The following OPRM1 variants were observed in gnomAD, a reference collection of about 807,000 sequenced individuals.
The protein encoded by OPRM1 is mu-type opioid receptor.
OPRM1 carries 27 observed loss-of-function variants against 31.8 expected under a neutral mutation model. The observed-to-expected ratio is 0.85, with a 90% CI of 0.63 to 1.17. The LOEUF (loss-of-function observed/expected upper bound fraction) is 1.17, where lower values mean the gene tolerates loss of function less well. Among genes scored for constraint, OPRM1 ranks in the 50% most tolerant of loss-of-function variants. The pLI is 0.00. For missense variants in OPRM1, 536 were observed against 511.1 expected, an observed-to-expected ratio of 1.05 and a Z score of -0.47; for synonymous variants, 196 against 189.9, an observed-to-expected ratio of 1.03 and a Z score of -0.26.
chr6:154,112,247 C>T lies in OPRM1; in HGVS notation c.1165-6436C>T, dbSNP rs555225626. Among the ~76,000 whole-genome samples the T allele has an allele frequency of 1.5e-3, 229 of 152,174 alleles. 1 individual carries two copies. The highest frequency in any genetic ancestry group is 2.6e-3 in the Non-Finnish European group (180 of 67,988). On this transcript the variant is annotated intron_variant, in intron 3 of 3. Transcript: ENST00000330432. ...AGCTTTAGAAAATGGTAGGAAGTTC[C>T]AAAACTGCAAAGGAGATATCTTAGC... is the stretch of plus-strand genomic sequence containing the variant.
intron 1 of OPRM1, among the ~76,000 whole-genome samples, chr6:154,071,141 C>T (rs1356080121): frequency 1.3e-5 from 2 of 152,118 alleles, no homozygotes; most frequent in Non-Finnish European, 2.9e-5. Flanking sequence ...GTATGGAATG[C>T]ATAATATGGA....
chr6:154,236,700 C>T (rs1361872018), intron 3 of OPRM1, among the ~76,000 whole-genome samples: 1 of 152,172 alleles, frequency 6.6e-6, no homozygotes, highest in African/African-American at 2.4e-5. Flanking sequence ...CCATCTCTTT[C>T]ACAGGTAACA....
chr6:154,195,384 T>G (rs1776528311), intron 3 of OPRM1, among the ~76,000 whole-genome samples: 1 of 152,076 alleles, frequency 6.6e-6, no homozygotes, highest in African/African-American at 2.4e-5. Flanking sequence ...CCTGACCTTG[T>G]GATCCGCCCA....
At chr6:154,187,860 G>A (rs1351220786) in intron 3 of OPRM1, among the ~76,000 whole-genome samples, 1 of 152,146 alleles carries the variant, frequency 6.6e-6, no homozygotes, top group African/African-American at 2.4e-5. Context: ...CAGAGGTGAT[G>A]AAAAAGTACC....
chr6:154,202,323 C>T (rs902186690), intron 3 of OPRM1, among the ~76,000 whole-genome samples: 1 of 152,014 alleles, frequency 6.6e-6, no homozygotes, highest in African/African-American at 2.4e-5. Context: ...TCTTTAATAA[C>T]CAAGAGATCA....
intron 1 of OPRM1, among the ~76,000 whole-genome samples, chr6:154,081,347 C>T (rs1789084326): frequency 1.3e-5 from 2 of 152,052 alleles, no homozygotes; most frequent in Admixed American, 1.3e-4. Flanking sequence ...ACTAAAAATA[C>T]AGAAAAAAAG....
intron 1 of OPRM1, among the ~76,000 whole-genome samples, chr6:154,033,146 G>A (rs1335279734): frequency 2.6e-5 from 4 of 152,142 alleles, no homozygotes; most frequent in Admixed American, 2.0e-4. Context: ...AATTGTCAGG[G>A]TGGGAAAGTA....
chr6:154,101,561 C>T (rs1275847759), intron 3 of OPRM1, among the ~76,000 whole-genome samples: 2 of 152,106 alleles, frequency 1.3e-5, no homozygotes, highest in Non-Finnish European at 2.9e-5. Flanking sequence ...CAAATATCAA[C>T]GTCTAAATCT....
intron 1 of OPRM1, among the ~76,000 whole-genome samples, chr6:154,011,375 C>G (rs190147971): frequency 6.6e-6 from 1 of 152,042 alleles, no homozygotes; most frequent in East Asian, 1.9e-4. Flanking sequence ...TCTAGGACTC[C>G]CAGCTAAGGA....
intron 3 of OPRM1, chr6:154,108,936 A>G: frequency 2.0e-6 from 2 of 985,122 alleles, no homozygotes; most frequent in Non-Finnish European, 2.4e-6. Context: ...AGAAACATAG[A>G]ATGTGAGAGG....
chr6:154,103,087 C>G (rs1027574839), intron 3 of OPRM1, among the ~76,000 whole-genome samples: 6 of 152,056 alleles, frequency 3.9e-5, no homozygotes, highest in African/African-American at 1.4e-4. Flanking sequence ...TGTTAGAGAA[C>G]CCCAGGAGGC....
At chr6:154,087,625 A>G in intron 1 of OPRM1, 7 of 981,632 alleles carry the variant, frequency 7.1e-6, no homozygotes, top group Non-Finnish European at 8.5e-6. Flanking sequence ...ATAAGTCTCA[A>G]AATAAACTCT....
At chr6:154,229,305 G>A (rs886131220) in intron 3 of OPRM1, among the ~76,000 whole-genome samples, 1 of 148,722 alleles carries the variant, frequency 6.7e-6, no homozygotes, top group African/African-American at 2.5e-5. Context: ...ACAATAAAGT[G>A]TTAAAATGAG....
chr6:154,098,187 C>G (rs1221285955), intron 3 of OPRM1, among the ~76,000 whole-genome samples: 1 of 152,192 alleles, frequency 6.6e-6, no homozygotes, highest in Non-Finnish European at 1.5e-5. Flanking sequence ...ATATTCCAGT[C>G]TATTTTTCAC....
At chr6:154,057,342 G>A (rs610231) in intron 1 of OPRM1, among the ~76,000 whole-genome samples, 138,091 of 152,256 alleles carry the variant, frequency 0.91, 62,778 homozygotes, top group African/African-American at 0.97. Flanking sequence ...TCCAGTGGAT[G>A]AGAAAATTAA....
intron 3 of OPRM1, among the ~76,000 whole-genome samples, chr6:154,163,081 A>G (rs756670683): frequency 3.3e-5 from 5 of 152,190 alleles, no homozygotes; most frequent in Non-Finnish European, 5.9e-5. Context: ...ACCTTCAGAC[A>G]TGACACAAAG....
chr6:154,215,201 G>A (rs1778289392), intron 3 of OPRM1, among the ~76,000 whole-genome samples: 1 of 152,152 alleles, frequency 6.6e-6, no homozygotes, highest in South Asian at 2.1e-4. Context: ...CTTGCACTAA[G>A]CCATAAATAT....
At chr6:154,010,744 G>A in exon 1 of OPRM1, 1 of 1,423,730 alleles carries the variant, frequency 7.0e-7, no homozygotes, top group African/African-American at 1.4e-5. Context: ...TGCATGAATT[G>A]CCCCTTTCTC....
At chr6:154,099,363 G>GAGAGAAAGAA (rs1194999806) in intron 3 of OPRM1, among the ~76,000 whole-genome samples, 6 of 148,206 alleles carry the variant, frequency 4.0e-5, no homozygotes, top group Admixed American at 1.4e-4. Context: ...GAGAGAGAGA[G>GAGAGAAAGAA]AGAGAAAGAA....
Sources: allele counts gnomAD v4.1 joint callset (sites outside exome capture counted in the v4.1 genomes callset), GRCh38; gene constraint gnomAD v4.1.1; transcripts MANE v1.5; gene names NCBI Gene and HGNC (gene_info 2026-07-23, HGNC 2026-07-21).